The following CYP4F22 variants were observed in gnomAD, a reference collection of about 807,000 sequenced individuals.
CYP4F22 encodes the protein ultra-long-chain fatty acid omega-hydroxylase.
Under a neutral mutation model 60.4 loss-of-function variants are expected in CYP4F22, and 37 were observed. The observed-to-expected ratio is 0.61, with a 90% CI of 0.47 to 0.81. The LOEUF is 0.81. Ranked by LOEUF, CYP4F22 falls within the 30% of genes least tolerant of loss-of-function variation. CYP4F22 has a pLI of 0.00. For missense variants in CYP4F22, 655 were observed against 715.0 expected, an observed-to-expected ratio of 0.92 and a Z score of 0.96; for synonymous variants, 258 against 280.5, an observed-to-expected ratio of 0.92 and a Z score of 0.80.
Position 15,540,304 on chromosome 19 carries a change from T to C in CYP4F22, c.672-146T>C, listed in dbSNP as rs535883510. ...CAGAGCAAGACCCTATCTAAAAAAA[T>C]AAATAAATGAATTTAAAAATAGAGT... is the stretch of plus-strand genomic sequence containing the variant. On this transcript the variant is annotated intron_variant, in intron 7 of 13. Transcript: ENST00000269703. 1.9e-5 allele frequency: 19 copies of C among 993,524 alleles called. 1 individual carries two copies. The South Asian group carries it at 2.4e-4, about 13-fold the overall frequency. The allele number at this position is 993,524 out of a possible 1,614,324, so 61.5% of individuals were successfully genotyped here.
chr19:15,526,390 C>T (rs1313866635), intron 3 of CYP4F22, among the ~76,000 whole-genome samples: 1 of 152,132 alleles, frequency 6.6e-6, no homozygotes, highest in Non-Finnish European at 1.5e-5. Flanking sequence ...GACAGGGTCT[C>T]GCTATGTTGC....
chr19:15,531,970 G>T (rs938689167), intron 4 of CYP4F22, among the ~76,000 whole-genome samples: 4 of 152,018 alleles, frequency 2.6e-5, no homozygotes, highest in African/African-American at 9.7e-5. Flanking sequence ...GCCAGGTGTG[G>T]TGGTGCGTGC....
chr19:15,509,134 T>C (rs1187401897), intron 1 of CYP4F22, among the ~76,000 whole-genome samples: 1 of 152,112 alleles, frequency 6.6e-6, no homozygotes, highest in Non-Finnish European at 1.5e-5. Context: ...GAAAAGACGG[T>C]GTTCTTCTGG....
At chr19:15,511,162 C>T (rs1410941953) in intron 1 of CYP4F22, among the ~76,000 whole-genome samples, 1 of 151,076 alleles carries the variant, frequency 6.6e-6, no homozygotes, top group African/African-American at 2.4e-5. Context: ...GATGGGGTTT[C>T]TCCATGTTGG....
Position 15,548,183 on chromosome 19 carries a change from T to C in CYP4F22, c.1212T>C (p.Leu404=), listed in dbSNP as rs1237757608. 3.7e-6 allele frequency: 6 copies of C among 1,614,010 alleles called. No homozygotes were observed. The highest frequency in any genetic ancestry group is 5.1e-6 in the Non-Finnish European group (6 of 1,180,034). Reference sequence around the variant, plus strand: ...TGCGCCAGTACCCACCTGTCACTCTTGTCTCTCGCCAATGCACGGAGGACA... The same window carrying C: ...TGCGCCAGTACCCACCTGTCACTCTCGTCTCTCGCCAATGCACGGAGGACA... ...ESLRQYPPVT[L]VSRQCTEDIK... is the part of the protein sequence containing the mutation. The change falls in exon 11 of 14, where the codon CTT becomes CTC. Residue 404 remains leucine, a synonymous_variant. Coordinates refer to ENST00000269703, the MANE Select transcript of CYP4F22 (RefSeq NM_173483.4).
At chr19:15,540,855 C>G in intron 8 of CYP4F22, 138 bp downstream of exon 8, 1 of 1,094,788 alleles carries the variant, frequency 9.1e-7, no homozygotes, top group Non-Finnish European at 1.3e-6. Context: ...GAGGCCAAGG[C>G]GGGAGGATCG....
chr19:15,529,571 G>A lies in CYP4F22; in HGVS notation c.223-138G>A, dbSNP rs372613889. ...TTCAGATGAGGAAATGGAGGCCCAGGGAGGTGCAGCCAACTGCCTGAAATC... is the reference window on the plus strand; with the variant it reads ...TTCAGATGAGGAAATGGAGGCCCAGAGAGGTGCAGCCAACTGCCTGAAATC... On this transcript the variant is annotated intron_variant, in intron 3 of 13. Coordinates refer to ENST00000269703, the MANE Select transcript of CYP4F22 (RefSeq NM_173483.4). 3.1e-5 allele frequency: 35 copies of A among 1,135,460 alleles called. No individual in the cohort carries two copies. In the South Asian group the frequency reaches 4.4e-4, roughly 14 times the overall value. 70.3% of individuals were successfully genotyped at this position (1,135,460 alleles called of 1,614,324 possible).
intron 1 of CYP4F22, among the ~76,000 whole-genome samples, chr19:15,512,569 G>C (rs891495041): frequency 1.3e-5 from 2 of 151,992 alleles, no homozygotes; most frequent in African/African-American, 4.8e-5. Flanking sequence ...GCCTCCCAAA[G>C]TGCTGGGATT....
rs1419490704 is a variant in CYP4F22, at chr19:15,537,650, T to C, written c.537T>C (p.Ala179=). The change falls in exon 6 of 14, where the codon GCT becomes GCC. Residue 179 remains alanine, a synonymous_variant. Coordinates refer to ENST00000269703, the MANE Select transcript of CYP4F22 (RefSeq NM_173483.4). ...ACATGAAGATCTTCAACCAGAGCGC[T>C]GACATTATGCATGTGAGTCCTAAGG... ...KPYMKIFNQS[A]DIMHAKWRHL... 1.2e-6 allele frequency: 2 copies of C among 1,613,164 alleles called. No homozygotes were observed. The highest frequency in any genetic ancestry group is 1.1e-5 in the South Asian group (1 of 91,084).
chr19:15,508,644 C>T (rs529848694), intron 1 of CYP4F22, 61 bp downstream of exon 1: 167 of 152,326 alleles, frequency 1.1e-3, no homozygotes, highest in Non-Finnish European at 2.0e-3. Context: ...CGCTGGAACC[C>T]GAGGCTCGCG....
chr19:15,543,029 C>T (rs1423500260), intron 8 of CYP4F22, among the ~76,000 whole-genome samples: 4 of 152,098 alleles, frequency 2.6e-5, no homozygotes, highest in African/African-American at 9.7e-5. Context: ...GTGCGTGTAT[C>T]TTTATAATAG....
At chr19:15,535,460 G>A (rs977150377) in intron 4 of CYP4F22, among the ~76,000 whole-genome samples, 1 of 152,172 alleles carries the variant, frequency 6.6e-6, no homozygotes, top group South Asian at 2.1e-4. Flanking sequence ...TCGCATTCAG[G>A]TAAAAGTGAT....
chr19:15,528,190 C>T (rs1376223565), intron 3 of CYP4F22, among the ~76,000 whole-genome samples: 7 of 152,182 alleles, frequency 4.6e-5, no homozygotes, highest in Non-Finnish European at 5.9e-5. Flanking sequence ...CAGTGGCTCA[C>T]ACCTGCAATC....
In CYP4F22 at chr19:15,537,529, G is replaced by A. The variant is rs1193322264; in HGVS notation, c.422-6G>A. On this transcript the variant is annotated splice_region_variant and splice_polypyrimidine_tract_variant and intron_variant, in intron 5 of 13. Transcript: ENST00000269703. Reference sequence around the variant, plus strand: ...GAGGTCCCTAACCTCAGTCTTCTGGGCCCAGGGGATGGGCTGCTGCTCAGC... The same window carrying A: ...GAGGTCCCTAACCTCAGTCTTCTGGACCCAGGGGATGGGCTGCTGCTCAGC... The A allele has an allele frequency of 1.2e-6, 2 of 1,614,036 alleles. No individual in the cohort carries two copies. The highest frequency in any genetic ancestry group is 1.7e-5 in the Admixed American group (1 of 60,004).
intron 1 of CYP4F22, among the ~76,000 whole-genome samples, chr19:15,513,655 C>A (rs555054744): frequency 3.9e-5 from 6 of 152,096 alleles, no homozygotes; most frequent in Non-Finnish European, 8.8e-5. Context: ...TGAGCCACCA[C>A]GCCCAGCCTA....
intron 10 of CYP4F22, 57 bp from the exon 11 acceptor site, chr19:15,548,039 GTGTGTGTGTGTT>G: frequency 1.4e-6 from 2 of 1,387,818 alleles, no homozygotes; most frequent in Non-Finnish European, 1.0e-6. Flanking sequence ...GTGTGTGTGT[GTGTGTGTGTGTT>G]TTGGGGAGGT....
At chr19:15,534,748 T>C (rs761762258) in intron 4 of CYP4F22, among the ~76,000 whole-genome samples, 4 of 151,244 alleles carry the variant, frequency 2.6e-5, no homozygotes, top group African/African-American at 4.9e-5. Context: ...GAGAAGGGGG[T>C]TTGGAGAAGG....
intron 10 of CYP4F22, among the ~76,000 whole-genome samples, chr19:15,546,258 G>T (rs1267971493): frequency 6.6e-6 from 1 of 152,078 alleles, no homozygotes; most frequent in Non-Finnish European, 1.5e-5. Context: ...TTATAGGTGT[G>T]AGCCACTGTG....
intron 1 of CYP4F22, among the ~76,000 whole-genome samples, chr19:15,518,673 ACAAAACAAAACACAG>A (rs1971184841): frequency 3.4e-5 from 5 of 146,200 alleles, no homozygotes; most frequent in Admixed American, 1.4e-4. Context: ...AAAAAAAGAA[ACAAAACAAAACACAG>A]AAAAAAAAAA....
Sources: allele counts gnomAD v4.1 joint callset (sites outside exome capture counted in the v4.1 genomes callset), GRCh38; gene constraint gnomAD v4.1.1; transcripts MANE v1.5; gene names NCBI Gene and HGNC (gene_info 2026-07-23, HGNC 2026-07-21).